The following PBK variants were observed in gnomAD, a reference collection of about 807,000 sequenced individuals.
PBK encodes the protein lymphokine-activated killer T-cell-originated protein kinase.
Under a neutral mutation model 33.5 loss-of-function variants are expected in PBK, and 22 were observed. That is an observed-to-expected ratio of 0.66 (90% CI 0.47 to 0.94). The LOEUF (loss-of-function observed/expected upper bound fraction) is 0.94, where lower values mean the gene tolerates loss of function less well. PBK is among the 40% of genes least tolerant of loss of function. The pLI is 0.00. For synonymous variants in PBK, 129 were observed against 123.8 expected, an observed-to-expected ratio of 1.04 and a Z score of -0.28; for missense variants, 376 against 383.4, an observed-to-expected ratio of 0.98 and a Z score of 0.16.
At chr8:27,831,284 T>C (rs143287301) in intron 2 of PBK, among the ~76,000 whole-genome samples, 37 of 144,632 alleles carry the variant, frequency 2.6e-4, no homozygotes, top group Admixed American at 6.8e-4. Flanking sequence ...GCCCAGGAGG[T>C]AGAGGTTGCA....
chr8:27,828,744 CAAAAAAAAAAAAAAA>C (rs34388320), intron 2 of PBK, among the ~76,000 whole-genome samples: 1 of 82,606 alleles, frequency 1.2e-5, no homozygotes, highest in African/African-American at 4.7e-5. Flanking sequence ...GACACAGTCT[CAAAAAAAAAAAAAAA>C]AAAAAAAAAA....
At chr8:27,827,006 AC>A (rs1806038926) in intron 3 of PBK, among the ~76,000 whole-genome samples, 1 of 152,142 alleles carries the variant, frequency 6.6e-6, no homozygotes, top group South Asian at 2.1e-4. Context: ...ATACAAACAT[AC>A]AAAAAAAATG....
chr8:27,823,138 AATG>A lies in PBK; in HGVS notation c.217_219del (p.His73del), dbSNP rs751279030. 3.9e-6 allele frequency: 6 copies of A among 1,554,562 alleles called. No individual in the cohort carries two copies. The South Asian group carries it at 5.6e-5, about 15-fold the overall frequency. Reference sequence around the variant, plus strand: ...AGTCTCTTTTGATACACACTTCGATAATGATCATTACATATAGGATTAATCTTT... The same window carrying A: ...AGTCTCTTTTGATACACACTTCGATAATCATTACATATAGGATTAATCTTT... On this transcript the variant is annotated inframe_deletion, in exon 4 of 8. Coordinates refer to ENST00000301905, the MANE Select transcript of PBK (RefSeq NM_018492.4).
At chr8:27,815,159 A>AAAAG (rs947158175) in intron 6 of PBK, among the ~76,000 whole-genome samples, 3 of 152,102 alleles carry the variant, frequency 2.0e-5, no homozygotes, top group African/African-American at 7.2e-5. Flanking sequence ...CTTTACAAGG[A>AAAAG]AAAGAGGATG....
At chr8:27,823,408 A>G (rs1052122815) in intron 3 of PBK, among the ~76,000 whole-genome samples, 5 of 152,092 alleles carry the variant, frequency 3.3e-5, no homozygotes, top group African/African-American at 4.8e-5. Context: ...AAGTCTTACT[A>G]TCTATACTGT....
rs1805779290 is a variant in PBK, at chr8:27,814,795, T to G, written c.596-3661A>C. On this transcript the variant is annotated intron_variant, in intron 6 of 7. Transcript: ENST00000301905. ...TTTGTGTTACTGAATTTCCAAATAC[T>G]TGGGGTTTCCTTAGATATCTTGTTA... 3.3e-5 allele frequency among the ~76,000 whole-genome samples: 5 copies of G among 152,186 alleles called. No homozygotes were observed. In the South Asian group the frequency reaches 1.0e-3, roughly 31 times the overall value.
At chr8:27,820,082 C>T (rs1805890997) in intron 6 of PBK, among the ~76,000 whole-genome samples, 1 of 152,090 alleles carries the variant, frequency 6.6e-6, no homozygotes, top group South Asian at 2.1e-4. Flanking sequence ...TGTTTCTCAC[C>T]AAGAACATAT....
chr8:27,814,084 C>T (rs745908408), intron 6 of PBK, among the ~76,000 whole-genome samples: 1 of 152,110 alleles, frequency 6.6e-6, no homozygotes, highest in Non-Finnish European at 1.5e-5. Context: ...ACAGACTGGG[C>T]AGAGGTCCTT....
At chr8:27,832,661 A>C (rs1806151141) in intron 2 of PBK, among the ~76,000 whole-genome samples, 1 of 152,210 alleles carries the variant, frequency 6.6e-6, no homozygotes, top group East Asian at 1.9e-4. Context: ...ATAGGAGTTA[A>C]GGGTCAAGGC....
chr8:27,811,134 AC>A lies in PBK; in HGVS notation c.596-1del. The A allele has an allele frequency of 6.2e-7, 1 of 1,613,774 alleles. No individual in the cohort carries two copies. Among genetic ancestry groups the A allele is most frequent in the South Asian group, 1.1e-5 (1 of 91,074 alleles). ...AATGTAACAAGCCTCAGGGTCAGTC[AC>A]TGAAACAAGCAAGATGGTTATGAAG... On this transcript the variant is annotated splice_acceptor_variant, in intron 6 of 7. Coordinates refer to ENST00000301905, the MANE Select transcript of PBK (RefSeq NM_018492.4). LOFTEE classifies it high-confidence loss of function.
intron 2 of PBK, among the ~76,000 whole-genome samples, chr8:27,829,103 TAGAGAGCTCC>T (rs760408597): frequency 6.6e-6 from 1 of 151,938 alleles, no homozygotes; most frequent in Non-Finnish European, 1.5e-5. Flanking sequence ...AGCAGAGAAC[TAGAGAGCTCC>T]AAAGAGAGCA....
At chr8:27,835,553 A>ATTT (rs5890383) in intron 1 of PBK, among the ~76,000 whole-genome samples, 2 of 145,204 alleles carry the variant, frequency 1.4e-5, no homozygotes. Flanking sequence ...ATCTTCTAAG[A>ATTT]TTTTTTTTTT....
chr8:27,817,357 G>A lies in PBK; in HGVS notation c.595+3208C>T, dbSNP rs114697968. Among the ~76,000 whole-genome samples the A allele has an allele frequency of 4.7e-3, 720 of 152,004 alleles. 7 individuals carry two copies. Among genetic ancestry groups the A allele is most frequent in the African/African-American group, 0.017 (692 of 41,474 alleles). The stretch of plus-strand genomic sequence containing the variant: ...GCACTGCTCTAGAAAGTCTTGCTCC[G>A]GCTCAGAAATGACACAAGTCATTTC... On this transcript the variant is annotated intron_variant, in intron 6 of 7. Transcript: ENST00000301905.
chr8:27,824,159 T>C (rs1006908226), intron 3 of PBK, among the ~76,000 whole-genome samples: 1 of 152,132 alleles, frequency 6.6e-6, no homozygotes, highest in Non-Finnish European at 1.5e-5. Context: ...AAACTATTCT[T>C]AAACCTCCAG....
chr8:27,834,255 C>T (rs1009492620), intron 1 of PBK, among the ~76,000 whole-genome samples: 5 of 152,026 alleles, frequency 3.3e-5, no homozygotes, highest in Non-Finnish European at 7.4e-5. Context: ...CACGAACTCC[C>T]GACCTTGTGA....
chr8:27,833,717 A>AG (rs1806175235), intron 1 of PBK, among the ~76,000 whole-genome samples: 2 of 151,852 alleles, frequency 1.3e-5, no homozygotes, highest in South Asian at 4.2e-4. Context: ...TTAGCTAAAA[A>AG]AAAAATCACC....
At position 27,810,968 on chromosome 8, in the gene PBK, A is replaced by G. The variant is rs751116684; in HGVS notation, c.762T>C (p.Asp254=). The change falls in exon 7 of 8, where the codon GAT becomes GAC. Residue 254 remains aspartate (D), a synonymous_variant. Coordinates refer to ENST00000301905, the MANE Select transcript of PBK (RefSeq NM_018492.4). ...AAATTGTATTCATACCTTCATCATC[A>G]TCATCATTTGAAAGATTAATGTGTG... The part of the protein sequence containing the change: ...SIPHINLSND[D]DDEDKTFDES... 1.9e-6 allele frequency: 3 copies of G among 1,587,434 alleles called. No homozygotes were observed. The highest frequency in any genetic ancestry group is 2.6e-6 in the Non-Finnish European group (3 of 1,156,324).
At chr8:27,822,083 C>T (rs776933112) in intron 5 of PBK, among the ~76,000 whole-genome samples, 19 of 152,064 alleles carry the variant, frequency 1.2e-4, no homozygotes, top group South Asian at 2.1e-4. Flanking sequence ...CTATGATGTC[C>T]GCACGCACAG....
chr8:27,825,125 G>A (rs774990299), intron 3 of PBK, among the ~76,000 whole-genome samples: 2 of 152,196 alleles, frequency 1.3e-5, no homozygotes, highest in Non-Finnish European at 2.9e-5. Context: ...TAGCCCCAAT[G>A]AACTGCTTGC....
Sources: allele counts gnomAD v4.1 joint callset (sites outside exome capture counted in the v4.1 genomes callset), GRCh38; gene constraint gnomAD v4.1.1; transcripts MANE v1.5; gene names NCBI Gene and HGNC (gene_info 2026-07-23, HGNC 2026-07-21).